The following HS6ST3 variants were observed in gnomAD, a reference collection of about 807,000 sequenced individuals.
The protein encoded by HS6ST3 is heparan sulfate 6-O-sulfotransferase 3.
HS6ST3 carries 12 observed loss-of-function variants against 36.7 expected under a neutral mutation model. The observed-to-expected ratio is 0.33, with a 90% CI of 0.21 to 0.53. HS6ST3 has a LOEUF of 0.53. Ranked by LOEUF, HS6ST3 falls within the 20% of genes least tolerant of loss-of-function variation. The probability of loss-of-function intolerance (pLI) is 0.95; values close to 1 mark genes in which losing one functional copy is unlikely to be tolerated. For synonymous variants in HS6ST3, 240 were observed against 257.5 expected (o/e 0.93, Z 0.65); for missense variants, 584 against 640.9 (o/e 0.91, Z 0.96).
At chr13:96,806,179 C>G (rs2138531612) in intron 1 of HS6ST3, among the ~76,000 whole-genome samples, 1 of 152,300 alleles carries the variant, frequency 6.6e-6, no homozygotes, top group East Asian at 1.9e-4. Flanking sequence ...AATAAGCAAA[C>G]AGGTCATTGT....
intron 1 of HS6ST3, among the ~76,000 whole-genome samples, chr13:96,195,660 G>A (rs1183814883): frequency 6.6e-6 from 1 of 152,218 alleles, no homozygotes; most frequent in African/African-American, 2.4e-5. Flanking sequence ...CTTGGTAGCC[G>A]ACACCATGCA....
intron 1 of HS6ST3, among the ~76,000 whole-genome samples, chr13:96,810,354 C>T (rs778446487): frequency 2.1e-4 from 32 of 151,958 alleles, no homozygotes; most frequent in Non-Finnish European, 4.3e-4. Context: ...GCAGACCTTC[C>T]CCACCCCCAA....
At chr13:96,446,095 C>T (rs547526733) in intron 1 of HS6ST3, among the ~76,000 whole-genome samples, 210 of 151,480 alleles carry the variant, frequency 1.4e-3, no homozygotes, top group Non-Finnish European at 2.6e-3. Flanking sequence ...ATGGCGTGAA[C>T]CCAGGAGGCA....
At chr13:96,429,067 A>G (rs971241222) in intron 1 of HS6ST3, among the ~76,000 whole-genome samples, 1 of 152,208 alleles carries the variant, frequency 6.6e-6, no homozygotes, top group African/African-American at 2.4e-5. Context: ...TTTCAAAGAA[A>G]CATTGAAAAG....
intron 1 of HS6ST3, among the ~76,000 whole-genome samples, chr13:96,185,691 T>C (rs1264562948): frequency 2.0e-5 from 3 of 152,252 alleles, no homozygotes; most frequent in Non-Finnish European, 2.9e-5. Context: ...CACAAACATA[T>C]ACATTCCACA....
intron 1 of HS6ST3, among the ~76,000 whole-genome samples, chr13:96,518,818 A>G (rs1340983203): frequency 2.0e-5 from 3 of 152,174 alleles, no homozygotes; most frequent in African/African-American, 7.2e-5. Context: ...TTATTAGGGA[A>G]CATTTTATAT....
chr13:96,768,974 A>T (rs1877190246), intron 1 of HS6ST3, among the ~76,000 whole-genome samples: 1 of 152,122 alleles, frequency 6.6e-6, no homozygotes, highest in Admixed American at 6.5e-5. Context: ...TCATTGTTCC[A>T]GCTCTAACAA....
At chr13:96,442,173 A>G (rs996559769) in intron 1 of HS6ST3, among the ~76,000 whole-genome samples, 2 of 151,898 alleles carry the variant, frequency 1.3e-5, no homozygotes, top group Admixed American at 1.3e-4. Context: ...AGGTGTGCAC[A>G]ACCATACCCA....
chr13:96,275,613 G>A (rs556505910), intron 1 of HS6ST3, among the ~76,000 whole-genome samples: 1 of 152,246 alleles, frequency 6.6e-6, no homozygotes, highest in East Asian at 1.9e-4. Flanking sequence ...ATGATATTAA[G>A]AATGAATTAT....
intron 1 of HS6ST3, among the ~76,000 whole-genome samples, chr13:96,694,498 A>G (rs1875066674): frequency 6.6e-6 from 1 of 152,196 alleles, no homozygotes; most frequent in African/African-American, 2.4e-5. Flanking sequence ...TCTTTATGAT[A>G]GGTTGATTTA....
intron 1 of HS6ST3, among the ~76,000 whole-genome samples, chr13:96,687,462 C>T (rs1465330958): frequency 6.6e-6 from 1 of 151,942 alleles, no homozygotes; most frequent in Non-Finnish European, 1.5e-5. Flanking sequence ...CTACAATATG[C>T]AGAATGTCTG....
At chr13:96,588,932 TC>T (rs1458948371) in intron 1 of HS6ST3, among the ~76,000 whole-genome samples, 3 of 151,828 alleles carry the variant, frequency 2.0e-5, no homozygotes, top group Non-Finnish European at 4.4e-5. Flanking sequence ...ATGCCTGTAT[TC>T]CCAGCTACTC....
intron 1 of HS6ST3, among the ~76,000 whole-genome samples, chr13:96,331,403 G>C (rs1478699745): frequency 3.9e-5 from 6 of 152,046 alleles, no homozygotes; most frequent in Non-Finnish European, 5.9e-5. Context: ...CTAACAGACA[G>C]GACCCTCAGC....
At chr13:96,358,527 A>AG (rs1277468396) in intron 1 of HS6ST3, among the ~76,000 whole-genome samples, 3 of 152,208 alleles carry the variant, frequency 2.0e-5, no homozygotes, top group African/African-American at 4.8e-5. Flanking sequence ...CTTTAAAAAA[A>AG]TTAATGTCAT....
chr13:96,607,877 GA>G (rs1398914063), intron 1 of HS6ST3, among the ~76,000 whole-genome samples: 1 of 152,154 alleles, frequency 6.6e-6, no homozygotes, highest in Non-Finnish European at 1.5e-5. Context: ...GTAACCTCAA[GA>G]GAAATTTTAT....
intron 1 of HS6ST3, among the ~76,000 whole-genome samples, chr13:96,099,703 C>T (rs2053808770): frequency 6.6e-6 from 1 of 152,288 alleles, no homozygotes; most frequent in Non-Finnish European, 1.5e-5. Flanking sequence ...TTTGCTCCTG[C>T]TTTCTAGTTT....
At chr13:96,676,463 C>T (rs367590595) in intron 1 of HS6ST3, among the ~76,000 whole-genome samples, 51 of 152,102 alleles carry the variant, frequency 3.4e-4, no homozygotes, top group Non-Finnish European at 6.0e-4. Context: ...CAACGTTCAC[C>T]TCCATTACAG....
At chr13:96,720,897 TTCAC>T (rs1875831811) in intron 1 of HS6ST3, among the ~76,000 whole-genome samples, 1 of 152,174 alleles carries the variant, frequency 6.6e-6, no homozygotes, top group Non-Finnish European at 1.5e-5. Context: ...AAAAGAACAA[TTCAC>T]ATTAGCATAT....
chr13:96,425,617 G>A (rs901591901), intron 1 of HS6ST3, among the ~76,000 whole-genome samples: 4 of 152,052 alleles, frequency 2.6e-5, no homozygotes, highest in African/African-American at 7.2e-5. Flanking sequence ...AACCTTCTGT[G>A]TGTGTGTGTG....
Sources: allele counts gnomAD v4.1 joint callset (sites outside exome capture counted in the v4.1 genomes callset), GRCh38; gene constraint gnomAD v4.1.1; transcripts MANE v1.5; gene names NCBI Gene and HGNC (gene_info 2026-07-23, HGNC 2026-07-21).